PIBF1: variants seen among roughly 807,000 people sequenced by gnomAD.
The protein encoded by PIBF1 is progesterone-induced-blocking factor 1.
In PIBF1, 90 loss-of-function variants were observed where a neutral mutation model predicts 112.5. The observed-to-expected ratio is 0.80, with a 90% CI of 0.67 to 0.95. The LOEUF is 0.95. Ranked by LOEUF, PIBF1 falls within the 40% of genes least tolerant of loss-of-function variation. The probability of loss-of-function intolerance (pLI) is 0.00; values close to 1 mark genes in which losing one functional copy is unlikely to be tolerated. For missense variants in PIBF1, 915 were observed against 852.3 expected (o/e 1.07, Z -0.92); for synonymous variants, 301 against 288.6 (o/e 1.04, Z -0.44).
chr13:72,983,152 A>AC (rs1314063801), intron 16 of PIBF1, among the ~76,000 whole-genome samples: 1 of 151,960 alleles, frequency 6.6e-6, no homozygotes, highest in East Asian at 1.9e-4. Flanking sequence ...ACACAGCAAG[A>AC]CCCCTAGCAT....
intron 5 of PIBF1, among the ~76,000 whole-genome samples, chr13:72,801,894 A>G (rs958219231): frequency 3.9e-5 from 6 of 152,226 alleles, no homozygotes; most frequent in African/African-American, 1.4e-4. Flanking sequence ...GAAAAAGTTA[A>G]TGGGTTGCCT....
intron 14 of PIBF1, among the ~76,000 whole-genome samples, chr13:72,961,721 C>T (rs546044782): frequency 6.6e-6 from 1 of 151,976 alleles, no homozygotes; most frequent in South Asian, 2.1e-4. Context: ...TATAGAGTAC[C>T]TTTTTCAAGA....
At chr13:72,852,545 C>T (rs1258710640) in intron 9 of PIBF1, among the ~76,000 whole-genome samples, 2 of 152,102 alleles carry the variant, frequency 1.3e-5, no homozygotes, top group Non-Finnish European at 2.9e-5. Flanking sequence ...CCTGTGAGGC[C>T]GAGTGGGTGG....
chr13:72,816,671 A>AC (rs2036288267), intron 5 of PIBF1, among the ~76,000 whole-genome samples: 1 of 152,028 alleles, frequency 6.6e-6, no homozygotes, highest in East Asian at 1.9e-4. Context: ...AAAAAAAAAA[A>AC]AAATTACTGA....
intron 14 of PIBF1, among the ~76,000 whole-genome samples, chr13:72,949,761 A>G (rs971264474): frequency 5.3e-5 from 8 of 152,182 alleles, no homozygotes; most frequent in African/African-American, 1.7e-4. Context: ...ACATTCTATT[A>G]GTTGCTATTC....
intron 17 of PIBF1, among the ~76,000 whole-genome samples, chr13:73,010,005 T>C (rs915478979): frequency 1.7e-4 from 26 of 152,132 alleles, no homozygotes; most frequent in Non-Finnish European, 1.9e-4. Context: ...TAGTAAAAAG[T>C]TTAGTATCAG....
At chr13:72,966,153 T>C (rs2042732799) in intron 15 of PIBF1, among the ~76,000 whole-genome samples, 1 of 152,104 alleles carries the variant, frequency 6.6e-6, no homozygotes, top group East Asian at 1.9e-4. Context: ...TAGAAATGGT[T>C]AAATCAAGGA....
intron 10 of PIBF1, among the ~76,000 whole-genome samples, chr13:72,862,894 G>A (rs1219570092): frequency 6.6e-6 from 1 of 152,150 alleles, no homozygotes; most frequent in Non-Finnish European, 1.5e-5. Context: ...AATGACCTTT[G>A]TCATTTTGGT....
chr13:72,965,020 C>T (rs2042702996), intron 14 of PIBF1, among the ~76,000 whole-genome samples: 1 of 152,102 alleles, frequency 6.6e-6, no homozygotes, highest in Admixed American at 6.5e-5. Context: ...CGAGATCGCG[C>T]CACTGCACTC....
At chr13:72,860,223 T>C (rs1199386341) in intron 10 of PIBF1, among the ~76,000 whole-genome samples, 1 of 151,990 alleles carries the variant, frequency 6.6e-6, no homozygotes, top group Non-Finnish European at 1.5e-5. Flanking sequence ...TAAATTACCA[T>C]GCAAAAGAAA....
chr13:72,953,885 A>G (rs1029657061), intron 14 of PIBF1, among the ~76,000 whole-genome samples: 1 of 152,050 alleles, frequency 6.6e-6, no homozygotes, highest in African/African-American at 2.4e-5. Flanking sequence ...GTCTCAGGCA[A>G]TGGGCGGGGC....
chr13:72,979,414 A>G (rs1594307782), intron 16 of PIBF1, among the ~76,000 whole-genome samples: 1 of 152,344 alleles, frequency 6.6e-6, no homozygotes, highest in Non-Finnish European at 1.5e-5. Flanking sequence ...TAGGAAAAGT[A>G]TCTTTCATCA....
intron 12 of PIBF1, among the ~76,000 whole-genome samples, chr13:72,916,678 A>C (rs567354494): frequency 6.6e-6 from 1 of 152,182 alleles, no homozygotes; most frequent in East Asian, 1.9e-4. Context: ...GTTCTGATAA[A>C]ATAATATTTG....
chr13:72,810,190 A>C (rs759739218), intron 5 of PIBF1, among the ~76,000 whole-genome samples: 12 of 152,096 alleles, frequency 7.9e-5, no homozygotes, highest in Non-Finnish European at 1.8e-4. Flanking sequence ...CCTATTTATG[A>C]ATTTTCTCTA....
chr13:72,975,758 GCTGCTGTCACTTATGTCCTAGGATT>G (rs2043005103), intron 16 of PIBF1, among the ~76,000 whole-genome samples: 1 of 152,132 alleles, frequency 6.6e-6, no homozygotes, highest in Non-Finnish European at 1.5e-5. Flanking sequence ...ATCCATCACC[GCTGCTGTCACTTATGTCCTAGGATT>G]CTGCTTTCAA....
At chr13:72,820,491 A>C (rs1473284841) in intron 5 of PIBF1, among the ~76,000 whole-genome samples, 2 of 152,188 alleles carry the variant, frequency 1.3e-5, no homozygotes, top group Non-Finnish European at 2.9e-5. Context: ...GCGTAGAACA[A>C]GAACATAATA....
intron 10 of PIBF1, among the ~76,000 whole-genome samples, chr13:72,870,359 C>T (rs1454943869): frequency 1.3e-5 from 2 of 152,126 alleles, no homozygotes; most frequent in Non-Finnish European, 2.9e-5. Context: ...CTGAGTACAT[C>T]AAAAGGCAAA....
chr13:72,897,089 A>G lies in PIBF1; in HGVS notation c.1488+3140A>G, dbSNP rs2040309416. On this transcript the variant is annotated intron_variant, in intron 11 of 17. Coordinates refer to ENST00000326291, the MANE Select transcript of PIBF1 (RefSeq NM_006346.4). ...CCTATAGAGGAAAACCTATAAGATT[A>G]ACAGCAGATTCCTCAGCAGAAAGCC... 2.6e-5 allele frequency among the ~76,000 whole-genome samples: 4 copies of G among 152,234 alleles called. No individual in the cohort carries two copies. In the South Asian group the frequency reaches 8.3e-4, roughly 31 times the overall value.
intron 14 of PIBF1, among the ~76,000 whole-genome samples, chr13:72,936,149 C>T (rs1384724993): frequency 1.3e-5 from 2 of 151,942 alleles, no homozygotes; most frequent in Non-Finnish European, 2.9e-5. Context: ...CTATTGGGAG[C>T]CTTAGCCTCC....
Sources: allele counts gnomAD v4.1 joint callset (sites outside exome capture counted in the v4.1 genomes callset), GRCh38; gene constraint gnomAD v4.1.1; transcripts MANE v1.5; gene names NCBI Gene and HGNC (gene_info 2026-07-23, HGNC 2026-07-21).